SPTBN2: variants seen among roughly 807,000 people sequenced by gnomAD.
The protein encoded by SPTBN2 is spectrin beta, non-erythrocytic 2, also known as spectrin beta chain, non-erythrocytic 2.
SPTBN2 carries 107 observed loss-of-function variants against 284.2 expected under a neutral mutation model. The observed-to-expected ratio is 0.38, with a 90% confidence interval of 0.32 to 0.44. SPTBN2 has a LOEUF of 0.44. Among genes scored for constraint, SPTBN2 ranks in the 20% least tolerant of loss-of-function variants. The pLI is 1.00. For synonymous variants in SPTBN2, 1,289 were observed against 1,354.8 expected, an observed-to-expected ratio of 0.95 and a Z score of 1.07; for missense variants, 2,569 against 3,287.1, an observed-to-expected ratio of 0.78 and a Z score of 5.34.
intron 29 of SPTBN2, 74 bp from the exon 30 acceptor site, chr11:66,689,254 A>AG: frequency 6.9e-7 from 1 of 1,454,166 alleles, no homozygotes; most frequent in Non-Finnish European, 9.4e-7. Context: ...GGAGTCATCC[A>AG]GGGGGACAGG....
chr11:66,688,042 T>A lies in SPTBN2; in HGVS notation c.6412A>T (p.Ser2138Cys). 1 of 1,614,160 alleles carries A rather than the reference T, an allele frequency of 6.2e-7. No individual in the cohort carries two copies. Among genetic ancestry groups the A allele is most frequent in the Non-Finnish European group, 8.5e-7 (1 of 1,180,022 alleles). Residue 2138 changes from serine (S) to cysteine (C), a missense_variant, in exon 33 of 38, where the codon AGT (serine) becomes TGT (cysteine). By Grantham distance (112) the Ser-to-Cys change is moderately radical. Transcript: ENST00000533211. The part of the protein sequence containing the change: ...PRPPPSTQAP[S>C]VNGVCTDGEP... The stretch of plus-strand genomic sequence containing the variant: ...CCATCTGTGCAGACTCCATTAACAC[T>A]GGGTGCTTGTGTGGATGGTGGTGGC...
chr11:66,695,829 A>G (rs1236064232), intron 21 of SPTBN2, among the ~76,000 whole-genome samples: 3 of 151,376 alleles, frequency 2.0e-5, no homozygotes, highest in Admixed American at 6.6e-5. Context: ...TCCTGGGTTC[A>G]AGCTATCCTC....
chr11:66,700,618 A>C lies in SPTBN2; in HGVS notation c.3481T>G (p.Trp1161Gly), dbSNP rs746317062. Reference sequence around the variant, plus strand: ...GCCAGGCGACCTTGCCGGCTCTCCCACATTCGGCCCAGCTCCTCCCAGCCA... The same window carrying C: ...GCCAGGCGACCTTGCCGGCTCTCCCCCATTCGGCCCAGCTCCTCCCAGCCA... Reference protein sequence around the residue: ...GTGWEELGRMWESRQGRLAQA... With the variant: ...GTGWEELGRMGESRQGRLAQA... The change falls in exon 17 of 38, where the codon TGG becomes GGG. Residue 1161 changes from tryptophan (W) to glycine (G), a missense_variant. Around this residue, in one of 6 missense-constraint regions of SPTBN2, gnomAD observed 1,012 missense variants for 1,248.9 expected, o/e 0.81. Transcript: ENST00000533211. The surrounding 1 kb of genome is among the most constrained non-coding windows in gnomAD (Gnocchi z 6.6). 15 of 1,608,158 alleles carry C rather than the reference A, an allele frequency of 9.3e-6. No homozygotes were observed. Among genetic ancestry groups the C allele is most frequent in the South Asian group, 1.1e-5 (1 of 91,080 alleles).
rs762188172 is a variant in SPTBN2, at chr11:66,707,646, T to C, written c.1523A>G (p.Asn508Ser). 7 of 1,608,938 alleles carry C rather than the reference T, an allele frequency of 4.4e-6. No homozygotes were observed. Among genetic ancestry groups the C allele is most frequent in the Admixed American group, 3.3e-5 (2 of 59,988 alleles). The change falls in exon 13 of 38, where the codon AAC (asparagine) becomes AGC (serine). Residue 508 changes from asparagine to serine, a missense_variant. Coordinates refer to ENST00000533211, the MANE Select transcript of SPTBN2 (RefSeq NM_006946.4). This position sits in a 1 kb window ranked among gnomAD's most constrained non-coding sequence, Gnocchi z 4.9. ...DIKRIAARQH[N>S]VARLWDFLRQ... ...CAAGAAGTCCCAGAGCCGTGCCACG[T>C]TGTGCTGCCGAGCGGCGATGCGCTT...
chr11:66,726,949 C>T (rs1046296035), intron 1 of SPTBN2, among the ~76,000 whole-genome samples: 2 of 152,192 alleles, frequency 1.3e-5, no homozygotes, highest in African/African-American at 2.4e-5. Context: ...AGCAAAACCC[C>T]GACCCACCTC....
chr11:66,701,814 TCTCC>T, intron 15 of SPTBN2, 93 bp from the exon 16 acceptor site: 2 of 1,571,878 alleles, frequency 1.3e-6, no homozygotes, highest in Non-Finnish European at 1.7e-6. Flanking sequence ...CAGGAGGGTG[TCTCC>T]TTCACCAGGA....
chr11:66,693,758 A>T lies in SPTBN2; in HGVS notation c.4593+14T>A. 6.2e-7 allele frequency: 1 copy of T among 1,609,166 alleles called. No homozygotes were observed. Among genetic ancestry groups the T allele is most frequent in the African/African-American group, 1.3e-5 (1 of 74,998 alleles). ...TCCTGGGAACTTCTCTTTTGCCTTC[A>T]GCCTCTGCCTCACCTGGTTTTTCTT... On this transcript the variant is annotated intron_variant, in intron 23 of 37. Coordinates refer to ENST00000533211, the MANE Select transcript of SPTBN2 (RefSeq NM_006946.4). The surrounding 1 kb of genome is among the most constrained non-coding windows in gnomAD (Gnocchi z 5.7).
Position 66,707,659 on chromosome 11 carries a change from C to T in SPTBN2, c.1510G>A (p.Ala504Thr), listed in dbSNP as rs573842493. 8.7e-6 allele frequency: 14 copies of T among 1,607,696 alleles called. No individual in the cohort carries two copies. Among genetic ancestry groups the T allele is most frequent in the Admixed American group, 5.0e-5 (3 of 60,000 alleles). Residue 504 changes from alanine (A) to threonine (T), a missense_variant, in exon 13 of 38, where the codon GCT becomes ACT. Ala to Thr is a moderately conservative substitution (Grantham distance 58, BLOSUM62 0). Transcript: ENST00000533211. The surrounding 1 kb of genome is among the most constrained non-coding windows in gnomAD (Gnocchi z 4.9). Reference sequence around the variant, plus strand: ...AGCCGTGCCACGTTGTGCTGCCGAGCGGCGATGCGCTTGATGTCGTGGTAG... The same window carrying T: ...AGCCGTGCCACGTTGTGCTGCCGAGTGGCGATGCGCTTGATGTCGTGGTAG... ...ERYHDIKRIA[A>T]RQHNVARLWD...
rs1257332534 is a variant in SPTBN2 at position 66,729,031 on chromosome 11, C to A, written c.-404G>T. ...ACAGGCATCTCAGCGCTTCTCAGCTCCTCTCATTTATCAACCAGGAGAATT... is the reference window on the plus strand; with the variant it reads ...ACAGGCATCTCAGCGCTTCTCAGCTACTCTCATTTATCAACCAGGAGAATT... On this transcript the variant is annotated 5_prime_UTR_variant, in exon 1 of 38. Transcript: ENST00000533211. 1 of 151,730 alleles carries A rather than the reference C, an allele frequency of 6.6e-6. No individual in the cohort carries two copies. Among genetic ancestry groups the A allele is most frequent in the African/African-American group, 2.4e-5 (1 of 41,156 alleles). The allele number at this position is 151,730 out of a possible 1,614,324, so 9.4% of individuals were successfully genotyped here. A position where few individuals can be genotyped will look rare whatever the true frequency, so the allele number is the denominator to read the frequency against.
At chr11:66,695,118 T>C (rs1345975641) in intron 21 of SPTBN2, among the ~76,000 whole-genome samples, 2 of 151,936 alleles carry the variant, frequency 1.3e-5, no homozygotes, top group Non-Finnish European at 2.9e-5. Context: ...GCCATCTTGC[T>C]CCTTCCTGGG....
intron 1 of SPTBN2, among the ~76,000 whole-genome samples, chr11:66,724,503 G>T (rs554011403): frequency 6.6e-6 from 1 of 152,018 alleles, no homozygotes; most frequent in Non-Finnish European, 1.5e-5. Flanking sequence ...TACCTGCCTG[G>T]CCCCAACTGT....
At chr11:66,686,757 A>C (rs1940142277) in intron 36 of SPTBN2, 4 of 649,808 alleles carry the variant, frequency 6.2e-6, no homozygotes, top group Non-Finnish European at 1.1e-5. Context: ...CACCCTGGGT[A>C]ATTTTTCACC....
Position 66,705,026 on chromosome 11 carries a change from G to A in SPTBN2, c.2250C>T (p.Tyr750=). ...AQRLAQAASL[Y]QFQADANDME... The stretch of plus-strand genomic sequence containing the variant: ...TGTCGTTTGCATCGGCCTGGAACTG[G>A]TAGAGGCTGGCGGCTTGGGCCAGCC... The change falls in exon 15 of 38, where the codon TAC becomes TAT. Residue 750 remains tyrosine, a synonymous_variant. Coordinates refer to ENST00000533211, the MANE Select transcript of SPTBN2 (RefSeq NM_006946.4). 1 of 1,602,120 alleles carries A rather than the reference G, an allele frequency of 6.2e-7. No individual in the cohort carries two copies. Among genetic ancestry groups the A allele is most frequent in the Middle Eastern group, 1.7e-4 (1 of 6,052 alleles).
Position 66,708,867 on chromosome 11 carries a change from C to A in SPTBN2, c.1191+35G>T. The A allele has an allele frequency of 6.3e-7, 1 of 1,583,588 alleles. No homozygotes were observed. Among genetic ancestry groups the A allele is most frequent in the African/African-American group, 1.3e-5 (1 of 74,346 alleles). On this transcript the variant is annotated intron_variant, in intron 11 of 37. Coordinates refer to ENST00000533211, the MANE Select transcript of SPTBN2 (RefSeq NM_006946.4). The surrounding 1 kb of genome is among the most constrained non-coding windows in gnomAD (Gnocchi z 4.4). Reference sequence around the variant, plus strand: ...TGCAAGGCATCTGGGCCAGGGCCTGCCCTGAGGGTGGGTGGCCTGTGGGCA... The same window carrying A: ...TGCAAGGCATCTGGGCCAGGGCCTGACCTGAGGGTGGGTGGCCTGTGGGCA...
rs765583525 is a variant in SPTBN2, at chr11:66,710,544, C to T, written c.1073+38G>A. 4.4e-6 allele frequency: 7 copies of T among 1,605,302 alleles called. No homozygotes were observed. In the South Asian group the frequency reaches 6.7e-5, roughly 15 times the overall value. On this transcript the variant is annotated intron_variant, in intron 10 of 37. Transcript: ENST00000533211. This position sits in a 1 kb window ranked among gnomAD's most constrained non-coding sequence, Gnocchi z 4.9. ...TAATTTAGGCTTCCTCTCGTGGGAG[C>T]ACAGCTCAGGGAAGGGTGGGGCCCC...
chr11:66,688,509 G>A (rs1940309309), intron 31 of SPTBN2, 144 bp downstream of exon 31: 1 of 1,455,344 alleles, frequency 6.9e-7, no homozygotes, highest in Non-Finnish European at 9.3e-7. Flanking sequence ...ACCTCCTAAA[G>A]GTGTGGTGAC....
rs1276740590 is a variant in SPTBN2 at position 66,691,684 on chromosome 11, C to T, written c.5191-26G>A. On this transcript the variant is annotated intron_variant, in intron 26 of 37. Transcript: ENST00000533211. This position sits in a 1 kb window ranked among gnomAD's most constrained non-coding sequence, Gnocchi z 8.0. Reference sequence around the variant, plus strand: ...CTGGTAGAGGAAGCAGATGGACAGACCATGCCGTGATGTTAGGGGATGTGG... The same window carrying T: ...CTGGTAGAGGAAGCAGATGGACAGATCATGCCGTGATGTTAGGGGATGTGG... 6.2e-7 allele frequency: 1 copy of T among 1,612,974 alleles called. No individual in the cohort carries two copies. The highest frequency in any genetic ancestry group is 8.5e-7 in the Non-Finnish European group (1 of 1,180,012).
At position 66,710,044 on chromosome 11, in the gene SPTBN2, ATGTT is replaced by A. The variant is rs958943290; in HGVS notation, c.1073+534_1073+537del. The stretch of plus-strand genomic sequence containing the variant: ...ACATCATAGCAATCATTTCCACAGC[ATGTT>A]TGTTTGTTTTTTGAGACGGAGTCTT... On this transcript the variant is annotated intron_variant, in intron 10 of 37. Transcript: ENST00000533211. This position sits in a 1 kb window ranked among gnomAD's most constrained non-coding sequence, Gnocchi z 4.9. Among the ~76,000 whole-genome samples the A allele has an allele frequency of 9.2e-5, 14 of 152,166 alleles. No homozygotes were observed. Among genetic ancestry groups the A allele is most frequent in the African/African-American group, 2.4e-4 (10 of 41,520 alleles).
chr11:66,714,064 C>T (rs1942019085), intron 7 of SPTBN2, 27 bp downstream of exon 7: 2 of 1,612,908 alleles, frequency 1.2e-6, no homozygotes, highest in African/African-American at 1.3e-5. Flanking sequence ...AGCAGCTCTG[C>T]TGCGTTTGCT....
Sources: allele counts gnomAD v4.1 joint callset (sites outside exome capture counted in the v4.1 genomes callset), GRCh38; gene constraint gnomAD v4.1.1; regional missense constraint gnomAD v4.1.1; non-coding constraint Gnocchi (gnomAD v3.1); transcripts MANE v1.5; gene names NCBI Gene and HGNC (gene_info 2026-07-23, HGNC 2026-07-21).